LRP1B: variants seen among roughly 807,000 people sequenced by gnomAD.
LRP1B encodes the protein low-density lipoprotein receptor-related protein 1B.
LRP1B carries 217 observed loss-of-function variants against 556.6 expected under a neutral mutation model. The ratio of observed to expected loss-of-function variants is 0.39; its 90% CI spans 0.35 to 0.44. The LOEUF is 0.44. Among genes scored for constraint, LRP1B ranks in the 20% least tolerant of loss-of-function variants. The pLI is 1.00. For synonymous variants in LRP1B, 2,047 were observed against 1,865.8 expected (o/e 1.10, Z -2.50); for missense variants, 5,053 against 5,620.8 (o/e 0.90, Z 3.23).
chr2:140,833,004 A>T (rs1412051123), intron 31 of LRP1B, among the ~76,000 whole-genome samples: 1 of 152,184 alleles, frequency 6.6e-6, no homozygotes, highest in Non-Finnish European at 1.5e-5. Context: ...CACACCATGC[A>T]TTATCATTAT....
chr2:140,588,525 T>C (rs972139859), intron 43 of LRP1B, among the ~76,000 whole-genome samples: 26 of 152,310 alleles, frequency 1.7e-4, no homozygotes, highest in African/African-American at 6.3e-4. Flanking sequence ...ATAAAATAAC[T>C]AAAATAACTT....
intron 83 of LRP1B, among the ~76,000 whole-genome samples, chr2:140,304,466 A>G (rs1683977259): frequency 6.6e-6 from 1 of 152,150 alleles, no homozygotes; most frequent in Admixed American, 6.6e-5. Flanking sequence ...TCTTTTGAGA[A>G]GTGTCTGTTC....
chr2:141,681,504 T>TG lies in LRP1B; in HGVS notation c.205+128774_205+128775insC, dbSNP rs397870204. 5.7e-4 allele frequency among the ~76,000 whole-genome samples: 86 copies of TG among 152,186 alleles called. 1 individual carries two copies. Among genetic ancestry groups the TG allele is most frequent in the East Asian group, 2.5e-3 (13 of 5,154 alleles). ...TTTATCATTCAATAATTTATTTTTT[T>TG]CCTGTTACTTTATGTGTGTTTTATG... is the stretch of plus-strand genomic sequence containing the variant. On this transcript the variant is annotated intron_variant, in intron 2 of 90. Transcript: ENST00000389484.
At chr2:141,467,220 T>A (rs923745035) in intron 3 of LRP1B, among the ~76,000 whole-genome samples, 1 of 151,316 alleles carries the variant, frequency 6.6e-6, no homozygotes, top group African/African-American at 2.4e-5. Context: ...TCAGAAACTA[T>A]GACAGCCAAT....
chr2:141,622,028 G>A (rs201065572), intron 2 of LRP1B, among the ~76,000 whole-genome samples: 1 of 151,848 alleles, frequency 6.6e-6, no homozygotes, highest in Admixed American at 6.6e-5. Flanking sequence ...AGTAGCTGGG[G>A]TTACAGGCAT....
At chr2:141,491,479 T>A (rs1284401247) in intron 2 of LRP1B, among the ~76,000 whole-genome samples, 2 of 142,014 alleles carry the variant, frequency 1.4e-5, no homozygotes, top group Non-Finnish European at 3.2e-5. Flanking sequence ...TCTTTGGGAC[T>A]ACTTTACCTG....
intron 84 of LRP1B, among the ~76,000 whole-genome samples, chr2:140,294,509 G>A (rs1239877350): frequency 6.6e-6 from 1 of 152,154 alleles, no homozygotes; most frequent in Non-Finnish European, 1.5e-5. Context: ...CAGAAGAGGA[G>A]GGAGAGGTTG....
intron 77 of LRP1B, among the ~76,000 whole-genome samples, chr2:140,345,809 C>CATATATATACATATATACAT (rs1681638102): frequency 5.8e-5 from 8 of 137,766 alleles, no homozygotes; most frequent in Non-Finnish European, 1.1e-4. Flanking sequence ...CATATATACA[C>CATATATATACATATATACAT]ATATATATAC....
intron 43 of LRP1B, among the ~76,000 whole-genome samples, chr2:140,553,563 T>C (rs1010357835): frequency 4.6e-5 from 7 of 152,024 alleles, no homozygotes; most frequent in African/African-American, 1.7e-4. Context: ...GAAAACATGA[T>C]TGCCTAATTT....
chr2:142,004,033 A>G (rs762488154), intron 1 of LRP1B, among the ~76,000 whole-genome samples: 18 of 152,242 alleles, frequency 1.2e-4, no homozygotes, highest in Non-Finnish European at 2.4e-4. Context: ...GGCATATAAT[A>G]AGGGCTCATT....
chr2:140,993,512 T>A (rs2105357926), intron 16 of LRP1B, among the ~76,000 whole-genome samples: 1 of 152,190 alleles, frequency 6.6e-6, no homozygotes, highest in East Asian at 1.9e-4. Flanking sequence ...TTCTACCATG[T>A]CCTGAGACAG....
At chr2:140,888,797 C>G (rs1693713485) in intron 23 of LRP1B, among the ~76,000 whole-genome samples, 1 of 151,746 alleles carries the variant, frequency 6.6e-6, no homozygotes. Flanking sequence ...AACCCCGTCT[C>G]TACTAAAAAT....
intron 76 of LRP1B, among the ~76,000 whole-genome samples, chr2:140,351,359 A>C (rs1681951076): frequency 6.6e-6 from 1 of 152,014 alleles, no homozygotes; most frequent in Non-Finnish European, 1.5e-5. Flanking sequence ...ATAATGCATC[A>C]ATTGTCAATA....
At chr2:141,367,240 A>T (rs1280892112) in intron 3 of LRP1B, among the ~76,000 whole-genome samples, 1 of 152,118 alleles carries the variant, frequency 6.6e-6, no homozygotes, top group Non-Finnish European at 1.5e-5. Context: ...AACAAAAATA[A>T]GAATAAACAG....
At chr2:140,321,337 A>G (rs940568707) in intron 82 of LRP1B, among the ~76,000 whole-genome samples, 2 of 151,522 alleles carry the variant, frequency 1.3e-5, no homozygotes, top group Non-Finnish European at 2.9e-5. Context: ...AACTGCATGA[A>G]TGAAAAAAAT....
chr2:141,040,926 A>T (rs779407931), intron 11 of LRP1B, among the ~76,000 whole-genome samples: 4 of 152,114 alleles, frequency 2.6e-5, no homozygotes, highest in Non-Finnish European at 4.4e-5. Context: ...ACTGCTTCTC[A>T]TTCTTCCTGG....
rs1465287367 is a variant in LRP1B at position 140,233,131 on chromosome 2, C to G, written c.*55G>C. The G allele has an allele frequency of 8.4e-7, 1 of 1,190,238 alleles. No individual in the cohort carries two copies. The highest frequency in any genetic ancestry group is 1.7e-5 in the South Asian group (1 of 57,362). 73.7% of individuals were successfully genotyped at this position (1,190,238 alleles called of 1,614,324 possible). ...ACAAGTATAATACTGTTGGAACATA[C>G]AAAAGTAATCCTTATATTTTATACA... On this transcript the variant is annotated 3_prime_UTR_variant, in exon 91 of 91. Transcript: ENST00000389484.
At chr2:140,965,469 A>G (rs1364138854) in intron 18 of LRP1B, among the ~76,000 whole-genome samples, 1 of 152,208 alleles carries the variant, frequency 6.6e-6, no homozygotes, top group Non-Finnish European at 1.5e-5. Flanking sequence ...CATTATAGAT[A>G]TATTGGTGAG....
intron 6 of LRP1B, among the ~76,000 whole-genome samples, chr2:141,219,830 C>G (rs1443628766): frequency 6.6e-6 from 1 of 151,978 alleles, no homozygotes; most frequent in Non-Finnish European, 1.5e-5. Flanking sequence ...CCCAGTAAGC[C>G]CCAGCAGCCC....
Sources: allele counts gnomAD v4.1 joint callset (sites outside exome capture counted in the v4.1 genomes callset), GRCh38; gene constraint gnomAD v4.1.1; transcripts MANE v1.5; gene names NCBI Gene and HGNC (gene_info 2026-07-23, HGNC 2026-07-21).